SLC49A4: variants seen among roughly 807,000 people sequenced by gnomAD.
SLC49A4 encodes the protein solute carrier family 49 member 4.
In SLC49A4, 36 loss-of-function variants were observed where a neutral mutation model predicts 50.6. The ratio of observed to expected loss-of-function variants is 0.71; its 90% confidence interval spans 0.55 to 0.94. The LOEUF (loss-of-function observed/expected upper bound fraction) is 0.94, where lower values mean the gene tolerates loss of function less well. Among genes scored for constraint, SLC49A4 ranks in the 40% least tolerant of loss-of-function variants. The pLI, the probability that SLC49A4 is intolerant of heterozygous loss-of-function variation, is 0.00. For missense variants in SLC49A4, 503 were observed against 605.7 expected (o/e 0.83, Z 1.78); for synonymous variants, 248 against 241.2 (o/e 1.03, Z -0.26).
At chr3:122,799,990 A>G (rs986590439) in intron 1 of SLC49A4, among the ~76,000 whole-genome samples, 1 of 152,246 alleles carries the variant, frequency 6.6e-6, no homozygotes, top group African/African-American at 2.4e-5. Flanking sequence ...TAGATACCCA[A>G]GTAGACAGAT....
rs576365744 is a variant in SLC49A4 at position 122,795,152 on chromosome 3, C to T, written c.-41C>T. 8 of 1,306,142 alleles carry T rather than the reference C, an allele frequency of 6.1e-6. No homozygotes were observed. The highest frequency in any genetic ancestry group is 5.7e-4 in the Middle Eastern group (2 of 3,512). 80.9% of individuals were successfully genotyped at this position (1,306,142 alleles called of 1,614,324 possible). On this transcript the variant is annotated 5_prime_UTR_variant, in exon 1 of 9. Transcript: ENST00000261038. ...TGCGCTGGGCTAGTCGGCGGTGACC[C>T]GGACTGCGCCCGGCAGTGGCTTCGC...
chr3:122,809,666 C>T (rs545771057), intron 2 of SLC49A4, among the ~76,000 whole-genome samples: 1 of 152,240 alleles, frequency 6.6e-6, no homozygotes, highest in Admixed American at 6.5e-5. Flanking sequence ...ATACAAAATT[C>T]TGGGAATAAT....
At chr3:122,872,639 A>G (rs1433151491) in intron 8 of SLC49A4, 42 bp downstream of exon 8, 3 of 1,463,106 alleles carry the variant, frequency 2.1e-6, no homozygotes, top group Middle Eastern at 2.0e-4. Context: ...AATGTGTTAC[A>G]AGAAAAGTTT....
intron 2 of SLC49A4, among the ~76,000 whole-genome samples, chr3:122,807,878 G>A (rs1338236074): frequency 6.6e-6 from 1 of 152,168 alleles, no homozygotes; most frequent in Non-Finnish European, 1.5e-5. Context: ...CTGGATAGTG[G>A]AAAACCCCTT....
At chr3:122,867,670 G>A (rs1440856927) in intron 7 of SLC49A4, among the ~76,000 whole-genome samples, 2 of 152,192 alleles carry the variant, frequency 1.3e-5, no homozygotes, top group Non-Finnish European at 2.9e-5. Flanking sequence ...AAAGTTTTTA[G>A]TGTAACTTTA....
In SLC49A4 at chr3:122,860,205, G is replaced by T; in HGVS notation, c.1138+3G>T. 3 of 1,583,610 alleles carry T rather than the reference G, an allele frequency of 1.9e-6. No individual in the cohort carries two copies. The highest frequency in any genetic ancestry group is 2.6e-6 in the Non-Finnish European group (3 of 1,167,070). ...CACACACCTACCTTTAACCACAGGT[G>T]AGCATAGGCTATTTTTGAACTTTTA... On this transcript the variant is annotated splice_donor_region_variant and intron_variant, in intron 7 of 8. Transcript: ENST00000261038.
At position 122,872,438 on chromosome 3, in the gene SLC49A4, C is replaced by G; in HGVS notation, c.1162C>G (p.Leu388Val). 1 of 1,613,048 alleles carries G rather than the reference C, an allele frequency of 6.2e-7. No homozygotes were observed. The highest frequency in any genetic ancestry group is 2.2e-5 in the East Asian group (1 of 44,854). Residue 388 changes from leucine to valine, a missense_variant, in exon 8 of 9, where the codon CTC (leucine) becomes GTC (valine). Leu to Val is a conservative substitution (Grantham distance 32). Coordinates refer to ENST00000261038, the MANE Select transcript of SLC49A4 (RefSeq NM_032839.3). Reference protein sequence around the residue: ...TTVTLYASCILLGVFLNSSVP... With the variant: ...TTVTLYASCIVLGVFLNSSVP... ...AGTGACATTGTATGCCTCCTGTATT[C>G]TCCTGGGAGTGTTCTTGAATAGCAG... is the stretch of plus-strand genomic sequence containing the variant.
At position 122,826,927 on chromosome 3, in the gene SLC49A4, C is replaced by T. The variant is rs755492248; in HGVS notation, c.565C>T (p.Leu189Phe). ...CACAGCCACAGCTATTGCATCAATG[C>T]TCAGTTATCTTGGGGGAGCATGTGC... ...RATATAIASM[L>F]SYLGGACAFL... Residue 189 changes from leucine (L) to phenylalanine (F), a missense_variant, in exon 3 of 9, where the codon CTC (leucine) becomes TTC (phenylalanine). Leu to Phe is a conservative substitution (Grantham distance 22). Coordinates refer to ENST00000261038, the MANE Select transcript of SLC49A4 (RefSeq NM_032839.3). 1.2e-6 allele frequency: 2 copies of T among 1,614,100 alleles called. No individual in the cohort carries two copies. The highest frequency in any genetic ancestry group is 4.5e-5 in the East Asian group (2 of 44,904).
intron 3 of SLC49A4, among the ~76,000 whole-genome samples, chr3:122,827,422 A>G (rs894212498): frequency 1.3e-5 from 2 of 152,172 alleles, no homozygotes; most frequent in African/African-American, 4.8e-5. Flanking sequence ...TTAAACATCT[A>G]TCTGTTGGTA....
intron 2 of SLC49A4, among the ~76,000 whole-genome samples, chr3:122,814,285 C>T (rs1343464683): frequency 6.6e-6 from 1 of 152,030 alleles, no homozygotes; most frequent in Non-Finnish European, 1.5e-5. Flanking sequence ...AAAACAAACA[C>T]AAATCACAAA....
At chr3:122,807,075 TTTAA>T in intron 2 of SLC49A4, 125 bp downstream of exon 2, 1 of 543,998 alleles carries the variant, frequency 1.8e-6, no homozygotes, top group Non-Finnish European at 3.2e-6. Flanking sequence ...TGATGATTAA[TTTAA>T]TTGATATTTA....
chr3:122,817,311 G>C (rs540200482), intron 2 of SLC49A4, among the ~76,000 whole-genome samples: 1 of 152,148 alleles, frequency 6.6e-6, no homozygotes, highest in Non-Finnish European at 1.5e-5. Flanking sequence ...CTGAGCCAAC[G>C]AATGCGGGCG....
chr3:122,864,946 G>C (rs1450750795), intron 7 of SLC49A4, among the ~76,000 whole-genome samples: 1 of 152,156 alleles, frequency 6.6e-6, no homozygotes, highest in Non-Finnish European at 1.5e-5. Context: ...CTGGAAGTTC[G>C]AGGCTGTAGT....
chr3:122,848,129 T>C, intron 5 of SLC49A4, among the ~76,000 whole-genome samples: 1 of 152,206 alleles, frequency 6.6e-6, no homozygotes, highest in Non-Finnish European at 1.5e-5. Context: ...AGCTCTGTTC[T>C]TTTACCTGTC....
intron 7 of SLC49A4, among the ~76,000 whole-genome samples, chr3:122,871,318 C>G (rs1281998093): frequency 6.6e-6 from 1 of 152,004 alleles, no homozygotes; most frequent in East Asian, 1.9e-4. Context: ...TATTAGAAAT[C>G]AGTGTGTACT....
chr3:122,833,544 C>A, intron 4 of SLC49A4, 98 bp downstream of exon 4: 2 of 1,156,012 alleles, frequency 1.7e-6, no homozygotes, highest in Non-Finnish European at 2.4e-6. Context: ...TTTCAGCAAC[C>A]TATTAATTAG....
intron 4 of SLC49A4, among the ~76,000 whole-genome samples, chr3:122,842,648 A>G (rs1424230011): frequency 1.3e-5 from 2 of 152,190 alleles, no homozygotes; most frequent in African/African-American, 4.8e-5. Flanking sequence ...AGTTATGTAC[A>G]GGATTGTTCT....
intron 8 of SLC49A4, among the ~76,000 whole-genome samples, chr3:122,874,375 C>G (rs1374049677): frequency 1.3e-5 from 2 of 152,190 alleles, no homozygotes; most frequent in Non-Finnish European, 2.9e-5. Context: ...TGACCAGATA[C>G]AAGCAGATAT....
At chr3:122,830,288 G>C (rs368343220) in intron 3 of SLC49A4, among the ~76,000 whole-genome samples, 14 of 152,250 alleles carry the variant, frequency 9.2e-5, no homozygotes, top group African/African-American at 3.4e-4. Context: ...AATCCCAGCT[G>C]CCTTTGTTGC....
Sources: allele counts gnomAD v4.1 joint callset (sites outside exome capture counted in the v4.1 genomes callset), GRCh38; gene constraint gnomAD v4.1.1; transcripts MANE v1.5; gene names NCBI Gene and HGNC (gene_info 2026-07-23, HGNC 2026-07-21).